WDR44: variants seen among roughly 807,000 people sequenced by gnomAD.
WDR44 encodes the protein WD repeat domain 44.
In WDR44, 9 loss-of-function variants were observed where a neutral mutation model predicts 65.7. That is an observed-to-expected ratio of 0.14 (90% CI 0.08 to 0.24). The LOEUF is 0.24. Ranked by LOEUF, WDR44 falls within the 10% of genes least tolerant of loss-of-function variation. The pLI is 1.00. For missense variants in WDR44, 425 were observed against 670.9 expected (o/e 0.63, Z 4.05); for synonymous variants, 220 against 235.2 (o/e 0.94, Z 0.59).
chrX:118,402,575 C>A (rs951272114), intron 8 of WDR44, among the ~76,000 whole-genome samples: 2 of 109,249 alleles, frequency 1.8e-5, no homozygotes, highest in Admixed American at 2.0e-4. Flanking sequence ...TGGCAGGACC[C>A]CGTCTCTACA....
chrX:118,350,145 C>T (rs1313547871), intron 1 of WDR44, among the ~76,000 whole-genome samples: 3 of 111,815 alleles, frequency 2.7e-5, no homozygotes, highest in Non-Finnish European at 5.6e-5. Context: ...CTTTCAGCAA[C>T]GTGTATTTTT....
intron 1 of WDR44, among the ~76,000 whole-genome samples, chrX:118,373,688 G>A (rs1313822962): frequency 9.0e-6 from 1 of 111,303 alleles, no homozygotes; most frequent in Non-Finnish European, 1.9e-5. Flanking sequence ...GCAGTATTGC[G>A]AAGTGGTTGA....
At chrX:118,363,273 G>C (rs1602865298) in intron 1 of WDR44, among the ~76,000 whole-genome samples, 1 of 106,946 alleles carries the variant, frequency 9.4e-6, no homozygotes. Context: ...GTGGTGGCAG[G>C]CACTTGCAAT....
At chrX:118,443,903 G>A (rs765906629) in intron 18 of WDR44, among the ~76,000 whole-genome samples, 32 of 110,737 alleles carry the variant, frequency 2.9e-4, no homozygotes, top group African/African-American at 5.9e-4. Flanking sequence ...AAAATTAGCC[G>A]GGCATAGTGG....
Position 118,403,787 on chromosome X carries a change from G to A in WDR44, c.1275-551G>A, listed in dbSNP as rs146870988. 1.8e-3 allele frequency among the ~76,000 whole-genome samples: 200 copies of A among 111,743 alleles called. No homozygotes were observed. In the Middle Eastern group the frequency reaches 0.019, roughly 10 times the overall value. On this transcript the variant is annotated intron_variant, in intron 8 of 19. Transcript: ENST00000254029. ...TTGAGATGCATACTTAGTTTACCTCGTATTTGGGAATACCTACTAGGAAAA... is the reference window on the plus strand; with the variant it reads ...TTGAGATGCATACTTAGTTTACCTCATATTTGGGAATACCTACTAGGAAAA...
chrX:118,416,971 C>T (rs183421359), intron 12 of WDR44, among the ~76,000 whole-genome samples: 2 of 111,993 alleles, frequency 1.8e-5, no homozygotes, highest in East Asian at 5.6e-4. Flanking sequence ...AATGCTGTTG[C>T]TTTAAAGTTT....
At position 118,449,063 on chromosome X, in the gene WDR44, T is replaced by C. The variant is rs2057371051; in HGVS notation, c.*76T>C. 1 of 631,455 alleles carries C rather than the reference T, an allele frequency of 1.6e-6. No individual in the cohort carries two copies. The highest frequency in any genetic ancestry group is 2.2e-5 in the African/African-American group (1 of 44,544). The allele number at this position is 631,455 out of a possible 1,213,427, so 52.0% of individuals were successfully genotyped here. On this transcript the variant is annotated 3_prime_UTR_variant, in exon 20 of 20. Coordinates refer to ENST00000254029, the MANE Select transcript of WDR44 (RefSeq NM_019045.5). Reference sequence around the variant, plus strand: ...AAACTGAAAAAATAGTGTTCCAGGCTAACATACTTTTTTAATTTTTATTGA... The same window carrying C: ...AAACTGAAAAAATAGTGTTCCAGGCCAACATACTTTTTTAATTTTTATTGA...
chrX:118,399,842 T>G (rs768657179), intron 8 of WDR44, among the ~76,000 whole-genome samples: 1 of 111,580 alleles, frequency 9.0e-6, no homozygotes, highest in Non-Finnish European at 1.9e-5. Context: ...TCCTAGCATT[T>G]TGGGAGACCA....
intron 8 of WDR44, among the ~76,000 whole-genome samples, chrX:118,404,133 G>A (rs981705749): frequency 8.0e-5 from 9 of 112,169 alleles, no homozygotes. Flanking sequence ...TAAATTGGGG[G>A]AAAGGGTGTA....
chrX:118,411,826 A>G (rs993800706), intron 12 of WDR44, among the ~76,000 whole-genome samples: 4 of 112,240 alleles, frequency 3.6e-5, no homozygotes, highest in Admixed American at 2.8e-4. Flanking sequence ...TTTTCACATA[A>G]TATATAGGAT....
intron 14 of WDR44, among the ~76,000 whole-genome samples, chrX:118,440,271 G>A (rs1034988112): frequency 9.0e-6 from 1 of 110,688 alleles, no homozygotes; most frequent in Non-Finnish European, 1.9e-5. Flanking sequence ...TAGGCTGTGC[G>A]TTATAGGATA....
Position 118,346,182 on chromosome X carries a change from C to G in WDR44, c.-322C>G. ...GAGAAACTGGAGCCGCTGTAGCCGG[C>G]GCGCCCTTCTTCCCTTACTGCGAGG... On this transcript the variant is annotated 5_prime_UTR_variant, in exon 1 of 20. Transcript: ENST00000254029. 3.3e-6 allele frequency: 1 copy of G among 304,445 alleles called. No homozygotes were observed. The highest frequency in any genetic ancestry group is 4.7e-5 in the East Asian group (1 of 21,095). 25.1% of individuals were successfully genotyped at this position (304,445 alleles called of 1,213,427 possible).
chrX:118,410,650 T>C (rs1258147660), intron 11 of WDR44, among the ~76,000 whole-genome samples: 1 of 111,962 alleles, frequency 8.9e-6, no homozygotes, highest in East Asian at 2.8e-4. Flanking sequence ...ATACTGAGGA[T>C]TTAACGGTAT....
intron 12 of WDR44, among the ~76,000 whole-genome samples, chrX:118,421,101 G>A (rs773561518): frequency 9.0e-6 from 1 of 111,447 alleles, no homozygotes; most frequent in African/African-American, 3.3e-5. Flanking sequence ...TTCATGGCCC[G>A]CTTCCTCCAT....
At chrX:118,352,488 C>G (rs1253080840) in intron 1 of WDR44, among the ~76,000 whole-genome samples, 1 of 101,887 alleles carries the variant, frequency 9.8e-6, no homozygotes, top group Non-Finnish European at 2.0e-5. Context: ...ACCACTGCAC[C>G]TGTCCCTTGA....
At chrX:118,431,426 C>T (rs2147742967) in intron 12 of WDR44, among the ~76,000 whole-genome samples, 1 of 111,945 alleles carries the variant, frequency 8.9e-6, no homozygotes, top group East Asian at 2.8e-4. Flanking sequence ...GCCTTAGCCT[C>T]CCAAGTAGCT....
At chrX:118,434,624 A>G (rs1346071245) in intron 13 of WDR44, among the ~76,000 whole-genome samples, 2 of 111,754 alleles carry the variant, frequency 1.8e-5, no homozygotes, top group Non-Finnish European at 3.8e-5. Flanking sequence ...AGTTATTTCA[A>G]TGAGGTGCTG....
intron 1 of WDR44, among the ~76,000 whole-genome samples, chrX:118,367,945 C>T (rs183863625): frequency 6.3e-5 from 7 of 111,447 alleles, no homozygotes. Context: ...CTTTGAATAA[C>T]TGTTATAGAA....
chrX:118,420,749 C>A (rs1030906576), intron 12 of WDR44, among the ~76,000 whole-genome samples: 2 of 112,628 alleles, frequency 1.8e-5, no homozygotes, highest in Admixed American at 9.4e-5. Context: ...TTTGCCTTCA[C>A]AGGGCAAAGC....
Sources: gnomAD v4.1 joint callset for allele counts (sites outside exome capture counted in the v4.1 genomes callset) on GRCh38, gnomAD v4.1.1 for gene constraint, MANE v1.5 for transcripts, NCBI Gene and HGNC (gene_info 2026-07-23, HGNC 2026-07-21) for gene names.